Variants in RBPJ observed in about 807,000 individuals in gnomAD.
The protein encoded by RBPJ is recombination signal binding protein for immunoglobulin kappa J region.
A neutral mutation model predicts 67.8 loss-of-function variants in RBPJ; 9 were observed. The observed-to-expected ratio is 0.13, with a 90% CI of 0.08 to 0.23. The LOEUF is 0.23. RBPJ is among the 10% of genes least tolerant of loss of function. The pLI, the probability that RBPJ is intolerant of heterozygous loss-of-function variation, is 1.00. For missense variants in RBPJ, 305 were observed against 595.6 expected (o/e 0.51, Z 5.08); for synonymous variants, 198 against 203.3 (o/e 0.97, Z 0.22).
intron 1 of RBPJ, among the ~76,000 whole-genome samples, chr4:26,255,237 T>C (rs1433715398): frequency 1.5e-5 from 2 of 134,714 alleles, no homozygotes; most frequent in Non-Finnish European, 3.1e-5. Context: ...ACCCCGTCTC[T>C]ACTAAAAATA....
Position 26,430,046 on chromosome 4 carries a change from G to C in RBPJ, c.1037G>C (p.Ser346Thr). ...GTCACTCCTGTGCCTGTGGTAGAGA[G>C]CCTTCAGGTGAGAACGCCTAGTCCA... The part of the protein sequence containing the change: ...APVTPVPVVE[S>T]LQLNGGGDVA... The change falls in exon 9 of 11, where the codon AGC becomes ACC. Residue 346 changes from serine to threonine, a missense_variant. This residue lies in a region of RBPJ where 16 missense variants were observed against 17.1 expected (regional missense o/e 0.94). Coordinates refer to ENST00000355476, the MANE Select transcript of RBPJ (RefSeq NM_015874.6). The surrounding 1 kb of genome is among the most constrained non-coding windows in gnomAD (Gnocchi z 4.1). 2 of 1,614,038 alleles carry C rather than the reference G, an allele frequency of 1.2e-6. No homozygotes were observed. Among genetic ancestry groups the C allele is most frequent in the Non-Finnish European group, 1.7e-6 (2 of 1,179,978 alleles).
At chr4:26,256,168 T>A (rs1577363546) in intron 1 of RBPJ, among the ~76,000 whole-genome samples, 1 of 152,060 alleles carries the variant, frequency 6.6e-6, no homozygotes, top group East Asian at 1.9e-4. Context: ...CACAACCACA[T>A]GTTATAGTGT....
At chr4:26,414,644 ATT>A (rs1240803635) in intron 3 of RBPJ, among the ~76,000 whole-genome samples, 2 of 152,208 alleles carry the variant, frequency 1.3e-5, no homozygotes, top group Non-Finnish European at 2.9e-5. Flanking sequence ...TAAGGACTGG[ATT>A]GATGGTCTGA....
At chr4:26,174,758 C>T (rs1716736172) in intron 1 of RBPJ, among the ~76,000 whole-genome samples, 1 of 152,170 alleles carries the variant, frequency 6.6e-6, no homozygotes, top group African/African-American at 2.4e-5. Context: ...GCTTGAGCCA[C>T]TGTGCCCGGC....
At chr4:26,379,802 T>C (rs961895898) in intron 1 of RBPJ, among the ~76,000 whole-genome samples, 3 of 152,166 alleles carry the variant, frequency 2.0e-5, no homozygotes, top group Non-Finnish European at 2.9e-5. Context: ...TCTTGAACTC[T>C]TGGCTTCAAG....
intron 1 of RBPJ, among the ~76,000 whole-genome samples, chr4:26,215,311 G>T: frequency 9.7e-6 from 1 of 103,620 alleles, no homozygotes; most frequent in Non-Finnish European, 1.8e-5. Flanking sequence ...AGAGAGAAAA[G>T]AGAAAGAAAG....
intron 1 of RBPJ, among the ~76,000 whole-genome samples, chr4:26,175,563 C>T (rs749378023): frequency 2.6e-5 from 4 of 152,160 alleles, no homozygotes; most frequent in Non-Finnish European, 5.9e-5. Context: ...CAGGAAAGTC[C>T]CTGTTTCAAA....
intron 1 of RBPJ, among the ~76,000 whole-genome samples, chr4:26,224,073 T>C (rs1719003110): frequency 6.6e-6 from 1 of 152,204 alleles, no homozygotes; most frequent in Non-Finnish European, 1.5e-5. Flanking sequence ...TAAATGTTAA[T>C]GATTGATATT....
intron 1 of RBPJ, among the ~76,000 whole-genome samples, chr4:26,190,831 G>A (rs1717454623): frequency 6.6e-6 from 1 of 152,000 alleles, no homozygotes; most frequent in South Asian, 2.1e-4. Context: ...AGTTTCTTGA[G>A]AAGTAACATA....
chr4:26,401,299 AT>A (rs1732769833), intron 2 of RBPJ, among the ~76,000 whole-genome samples: 1 of 152,190 alleles, frequency 6.6e-6, no homozygotes, highest in South Asian at 2.1e-4. Flanking sequence ...TATACCCCTA[AT>A]CACTAACGGT....
At chr4:26,164,712 G>C in intron 1 of RBPJ, among the ~76,000 whole-genome samples, 1 of 152,150 alleles carries the variant, frequency 6.6e-6, no homozygotes, top group Non-Finnish European at 1.5e-5. Context: ...TCAGCCAATG[G>C]ATTCCAAAAG....
intron 2 of RBPJ, among the ~76,000 whole-genome samples, chr4:26,401,053 C>T (rs543468659): frequency 1.2e-4 from 18 of 152,340 alleles, no homozygotes; most frequent in Admixed American, 3.3e-4. Context: ...TTCCCTCCCT[C>T]TGCATTTTGT....
At chr4:26,165,852 G>A (rs1170208411) in intron 1 of RBPJ, among the ~76,000 whole-genome samples, 66 of 147,018 alleles carry the variant, frequency 4.5e-4, no homozygotes, top group African/African-American at 1.6e-3. Context: ...GTCTCCTAAT[G>A]CTATCCCTCC....
intron 1 of RBPJ, among the ~76,000 whole-genome samples, chr4:26,382,428 A>G (rs1730418907): frequency 6.6e-6 from 1 of 152,268 alleles, no homozygotes; most frequent in African/African-American, 2.4e-5. Context: ...TGCAGGATGC[A>G]TGTAGTACCT....
intron 1 of RBPJ, among the ~76,000 whole-genome samples, chr4:26,332,953 A>G (rs1334255718): frequency 1.3e-5 from 2 of 152,290 alleles, no homozygotes; most frequent in East Asian, 3.9e-4. Flanking sequence ...CTGGCCTCAA[A>G]AGTTACTTAA....
chr4:26,374,544 G>A (rs148565805), intron 1 of RBPJ, among the ~76,000 whole-genome samples: 3,675 of 150,876 alleles, frequency 0.024, 128 homozygotes, highest in African/African-American at 0.074. Context: ...GCACCATTTC[G>A]GCTCACTGCA....
chr4:26,148,377 G>C, the RBPJ span, among the ~76,000 whole-genome samples: 1 of 152,200 alleles, frequency 6.6e-6, no homozygotes, highest in Admixed American at 6.5e-5. Flanking sequence ...GAAGAACTAG[G>C]TAGGAAAAGC....
chr4:26,399,589 G>C (rs1435525939), intron 2 of RBPJ, among the ~76,000 whole-genome samples: 1 of 151,960 alleles, frequency 6.6e-6, no homozygotes, highest in Non-Finnish European at 1.5e-5. Flanking sequence ...AAAATTGACA[G>C]AGGTAATCAC....
intron 1 of RBPJ, among the ~76,000 whole-genome samples, chr4:26,183,528 T>C (rs566403000): frequency 2.0e-5 from 3 of 152,220 alleles, no homozygotes; most frequent in Non-Finnish European, 4.4e-5. Context: ...CAGTTTGTTT[T>C]TCACTTCAGT....
Sources: gnomAD v4.1 joint callset for allele counts (sites outside exome capture counted in the v4.1 genomes callset) on GRCh38, gnomAD v4.1.1 for gene constraint, gnomAD v4.1.1 regional missense constraint, Gnocchi (gnomAD v3.1) non-coding constraint, MANE v1.5 for transcripts, NCBI Gene and HGNC (gene_info 2026-07-23, HGNC 2026-07-21) for gene names.